OSBPL6: variants seen among roughly 807,000 people sequenced by gnomAD.
The protein encoded by OSBPL6 is oxysterol binding protein like 6.
OSBPL6 carries 49 observed loss-of-function variants against 125.8 expected under a neutral mutation model. The ratio of observed to expected loss-of-function variants is 0.39; its 90% confidence interval spans 0.31 to 0.49. The LOEUF (loss-of-function observed/expected upper bound fraction) is 0.49. Ranked by LOEUF, OSBPL6 falls within the 20% of genes least tolerant of loss-of-function variation. The pLI is 0.88. For missense variants in OSBPL6, 986 were observed against 1,135.4 expected, an observed-to-expected ratio of 0.87 and a Z score of 1.89; for synonymous variants, 394 against 391.8, an observed-to-expected ratio of 1.01 and a Z score of -0.07.
chr2:178,367,737 A>G (rs551518288), intron 13 of OSBPL6, among the ~76,000 whole-genome samples: 1 of 152,364 alleles, frequency 6.6e-6, no homozygotes, highest in East Asian at 1.9e-4. Context: ...CATAAGGGAC[A>G]TGAGGTGTGG....
chr2:178,316,826 G>T (rs1002152842), intron 3 of OSBPL6, among the ~76,000 whole-genome samples: 1 of 152,124 alleles, frequency 6.6e-6, no homozygotes, highest in African/African-American at 2.4e-5. Flanking sequence ...AGGATTTGTG[G>T]ATTTTGGTAT....
At chr2:178,283,483 C>G (rs188512026) in intron 1 of OSBPL6, among the ~76,000 whole-genome samples, 75 of 152,002 alleles carry the variant, frequency 4.9e-4, no homozygotes, top group Middle Eastern at 3.4e-3. Flanking sequence ...AATAAAGGAG[C>G]CTGCTAGAGA....
chr2:178,376,429 C>T (rs1332745993), intron 15 of OSBPL6, among the ~76,000 whole-genome samples: 1 of 152,098 alleles, frequency 6.6e-6, no homozygotes, highest in African/African-American at 2.4e-5. Context: ...TAAATACTCT[C>T]AGATTTGTAC....
chr2:178,281,595 T>C (rs1271359618), intron 1 of OSBPL6, among the ~76,000 whole-genome samples: 1 of 152,164 alleles, frequency 6.6e-6, no homozygotes, highest in Non-Finnish European at 1.5e-5. Flanking sequence ...TGCAGTCTTA[T>C]TTTCTATGCT....
At chr2:178,247,151 T>G (rs927314484) in intron 1 of OSBPL6, among the ~76,000 whole-genome samples, 2 of 152,210 alleles carry the variant, frequency 1.3e-5, no homozygotes, top group African/African-American at 4.8e-5. Flanking sequence ...ATCGATGTTC[T>G]CTTGGGCACC....
intron 1 of OSBPL6, among the ~76,000 whole-genome samples, chr2:178,223,473 G>A (rs2090425776): frequency 6.6e-6 from 1 of 152,196 alleles, no homozygotes; most frequent in Non-Finnish European, 1.5e-5. Context: ...TGTATTGTTA[G>A]TTAAGTGGGT....
intron 23 of OSBPL6, among the ~76,000 whole-genome samples, 194 bp downstream of exon 23, chr2:178,392,732 A>T (rs1695517651): frequency 6.6e-6 from 1 of 151,958 alleles, no homozygotes; most frequent in African/African-American, 2.4e-5. Flanking sequence ...GTGGTGGGGC[A>T]TGCCTAAAGT....
rs999479891 is a variant in OSBPL6 at position 178,397,092 on chromosome 2, T to G, written c.*1533T>G. On this transcript the variant is annotated 3_prime_UTR_variant, in exon 25 of 25. Coordinates refer to ENST00000190611, the MANE Select transcript of OSBPL6 (RefSeq NM_032523.4). ...ACACTTTACATTTTATTATGAGGTG[T>G]TGATTTTAGTGGTATTTCTCCTCAG... is the stretch of plus-strand genomic sequence containing the variant. The G allele has an allele frequency of 3.3e-5, 5 of 152,252 alleles. No individual in the cohort carries two copies. Among genetic ancestry groups the G allele is most frequent in the African/African-American group, 1.2e-4 (5 of 41,470 alleles). The allele number at this position is 152,252 out of a possible 1,614,324, so 9.4% of individuals were successfully genotyped here.
chr2:178,273,762 G>A (rs115965754), intron 1 of OSBPL6, among the ~76,000 whole-genome samples: 1 of 152,096 alleles, frequency 6.6e-6, no homozygotes, highest in Non-Finnish European at 1.5e-5. Flanking sequence ...TTTAAACAGA[G>A]GCAGTTGCAA....
intron 1 of OSBPL6, among the ~76,000 whole-genome samples, chr2:178,265,887 C>T (rs995931067): frequency 1.3e-5 from 2 of 152,034 alleles, no homozygotes; most frequent in Non-Finnish European, 2.9e-5. Flanking sequence ...GTGGGTAAAA[C>T]ATATGCCTGA....
chr2:178,392,844 G>C (rs1453818764), intron 23 of OSBPL6, among the ~76,000 whole-genome samples: 1 of 146,520 alleles, frequency 6.8e-6, no homozygotes, highest in Admixed American at 6.9e-5. Flanking sequence ...CAGGGCAACA[G>C]AGAGAGACCC....
intron 22 of OSBPL6, among the ~76,000 whole-genome samples, chr2:178,391,921 A>G (rs1423672645): frequency 6.6e-6 from 1 of 152,234 alleles, no homozygotes; most frequent in Non-Finnish European, 1.5e-5. Flanking sequence ...CTGGCTGTAC[A>G]TCAGGCTTTA....
chr2:178,344,289 G>A (rs1030704599), intron 11 of OSBPL6: 3 of 1,614,020 alleles, frequency 1.9e-6, no homozygotes, highest in Non-Finnish European at 2.5e-6. Context: ...CCGTCAGGAA[G>A]GGCCACCCGC....
At chr2:178,195,289 G>A (rs2088813094) in intron 1 of OSBPL6, among the ~76,000 whole-genome samples, 1 of 152,208 alleles carries the variant, frequency 6.6e-6, no homozygotes, top group Admixed American at 6.5e-5. Flanking sequence ...CCTCCCGGCA[G>A]CCTCCGTCCA....
In OSBPL6 at chr2:178,288,641, C is replaced by CT. The variant is rs777799582; in HGVS notation, c.-156+3535dup. 5.7e-3 allele frequency among the ~76,000 whole-genome samples: 790 copies of CT among 138,588 alleles called. 6 individuals carry two copies. The highest frequency in any genetic ancestry group is 0.014 in the African/African-American group (544 of 37,866). The allele number at this position is 138,588 out of a possible 152,430, so 90.9% of individuals were successfully genotyped here. On this transcript the variant is annotated intron_variant, in intron 2 of 24. Coordinates refer to ENST00000190611, the MANE Select transcript of OSBPL6 (RefSeq NM_032523.4). ...ATATATAAATAGTAGGGAAAAGGGACTTTTTTTTTTTTTTTAAATTTTTTG... is the reference window on the plus strand; with the variant it reads ...ATATATAAATAGTAGGGAAAAGGGACTTTTTTTTTTTTTTTTAAATTTTTTG...
At chr2:178,394,753 C>T (rs1228645995) in intron 24 of OSBPL6, among the ~76,000 whole-genome samples, 1 of 152,126 alleles carries the variant, frequency 6.6e-6, no homozygotes, top group Non-Finnish European at 1.5e-5. Flanking sequence ...GAACCAGACC[C>T]CACTGCCCAC....
intron 2 of OSBPL6, among the ~76,000 whole-genome samples, chr2:178,297,750 G>T (rs1332823000): frequency 6.6e-6 from 1 of 152,190 alleles, no homozygotes; most frequent in Non-Finnish European, 1.5e-5. Flanking sequence ...AGGTTGGAAA[G>T]ATTTCATAAA....
intron 4 of OSBPL6, 141 bp from the exon 5 acceptor site, chr2:178,328,115 G>A: frequency 9.1e-7 from 1 of 1,102,466 alleles, no homozygotes; most frequent in Non-Finnish European, 1.3e-6. Flanking sequence ...TTTGATGTTA[G>A]AATTTGCTCC....
chr2:178,335,003 C>T (rs891696469), intron 8 of OSBPL6, among the ~76,000 whole-genome samples: 3 of 152,088 alleles, frequency 2.0e-5, no homozygotes, highest in East Asian at 1.9e-4. Flanking sequence ...AAGATAGTGC[C>T]GAGTTTCTCT....
Sources: allele counts gnomAD v4.1 joint callset (sites outside exome capture counted in the v4.1 genomes callset), GRCh38; gene constraint gnomAD v4.1.1; transcripts MANE v1.5; gene names NCBI Gene and HGNC (gene_info 2026-07-23, HGNC 2026-07-21).